Variants in C19orf81 observed in about 807,000 individuals in gnomAD.
C19orf81 encodes the protein chromosome 19 open reading frame 81, also known as putative uncharacterized protein C19orf81.
Under a neutral mutation model 22.1 loss-of-function variants are expected in C19orf81, and 19 were observed. That is an observed-to-expected ratio of 0.86 (90% confidence interval 0.60 to 1.26). C19orf81 has a LOEUF of 1.26. Ranked by LOEUF, C19orf81 falls within the 50% of genes most tolerant of loss-of-function variation. C19orf81 has a pLI of 0.00. For missense variants in C19orf81, 287 were observed against 280.7 expected, an observed-to-expected ratio of 1.02 and a Z score of -0.16; for synonymous variants, 108 against 113.1, an observed-to-expected ratio of 0.95 and a Z score of 0.29.
intron 1 of C19orf81, 58 bp from the exon 2 acceptor site, chr19:50,655,992 A>G (rs915591512): frequency 1.3e-6 from 2 of 1,494,610 alleles, no homozygotes; most frequent in Admixed American, 3.9e-5. Context: ...TGGCCATTTA[A>G]GCAGAATCAT....
Position 50,659,036 on chromosome 19 carries a change from G to A in C19orf81, c.491G>A (p.Arg164His). ...CGCGGGCTTGCGCACCAGATCGTGCGCCACGACGACCTCCTGCTGGGCGAC... is the reference window on the plus strand; with the variant it reads ...CGCGGGCTTGCGCACCAGATCGTGCACCACGACGACCTCCTGCTGGGCGAC... ...SPRGLAHQIV[R>H]HDDLLLGDYR... Residue 164 changes from arginine (R) to histidine (H), a missense_variant, in exon 5 of 5, where the codon CGC (arginine) becomes CAC (histidine). By Grantham distance (29) the Arg-to-His change is conservative. Transcript: ENST00000425202. 1 of 1,529,564 alleles carries A rather than the reference G, an allele frequency of 6.5e-7. No individual in the cohort carries two copies. Among genetic ancestry groups the A allele is most frequent in the Non-Finnish European group, 8.7e-7 (1 of 1,143,494 alleles). 94.7% of individuals were successfully genotyped at this position (1,529,564 alleles called of 1,614,324 possible).
chr19:50,653,682 GCACACACACA>G (rs57915687), intron 1 of C19orf81, among the ~76,000 whole-genome samples: 21,447 of 121,700 alleles, frequency 0.18, 1,995 homozygotes, highest in Non-Finnish European at 0.19. Flanking sequence ...ATGAGAGACA[GCACACACACA>G]CACACACACA....
At chr19:50,653,757 G>T (rs1984931603) in intron 1 of C19orf81, among the ~76,000 whole-genome samples, 1 of 150,252 alleles carries the variant, frequency 6.7e-6, no homozygotes, top group Non-Finnish European at 1.5e-5. Context: ...CTCAGTAGAA[G>T]GGTGTTAGCA....
At position 50,659,082 on chromosome 19, in the gene C19orf81, C is replaced by T. The variant is rs1985079955; in HGVS notation, c.537C>T (p.Arg179=). 4 of 1,509,590 alleles carry T rather than the reference C, an allele frequency of 2.6e-6. No individual in the cohort carries two copies. Among genetic ancestry groups the T allele is most frequent in the Non-Finnish European group, 3.5e-6 (4 of 1,133,206 alleles). The allele number at this position is 1,509,590 out of a possible 1,614,324, so 93.5% of individuals were successfully genotyped here. Residue 179 remains arginine (R), a synonymous_variant, in exon 5 of 5, where the codon CGC becomes CGT. Transcript: ENST00000425202. ...GCGACTACCGCCTGCACCTGCGCCG[C>T]TCCCTGGTCCGGCGGCGCATGCTCG... ...LLGDYRLHLR[R]SLVRRRMLEA...
At chr19:50,653,789 G>T (rs1984932776) in intron 1 of C19orf81, among the ~76,000 whole-genome samples, 1 of 150,826 alleles carries the variant, frequency 6.6e-6, no homozygotes, top group Non-Finnish European at 1.5e-5. Context: ...TTAGAGCCGG[G>T]CTGTGTCAGG....
intron 1 of C19orf81, among the ~76,000 whole-genome samples, chr19:50,652,404 A>T (rs191409438): frequency 6.6e-6 from 1 of 152,318 alleles, no homozygotes; most frequent in Non-Finnish European, 1.5e-5. Context: ...TTAGGGAATC[A>T]TAGAAATAAA....
rs182239034 is a variant in C19orf81 at position 50,654,440 on chromosome 19, C to T, written c.68-1610C>T. Among the ~76,000 whole-genome samples the T allele has an allele frequency of 3.8e-3, 585 of 152,064 alleles. 1 individual carries two copies. Among genetic ancestry groups the T allele is most frequent in the Non-Finnish European group, 6.0e-3 (410 of 67,984 alleles). ...GCCTCAGCCTCCCGAGTAGCTGGGA[C>T]TACAGGCACACACCAACACACCCGG... On this transcript the variant is annotated intron_variant, in intron 1 of 4. Transcript: ENST00000425202.
chr19:50,658,817 G>C, intron 4 of C19orf81, 130 bp from the exon 5 acceptor site: 1 of 807,858 alleles, frequency 1.2e-6, no homozygotes, highest in Non-Finnish European at 1.8e-6. Context: ...GGGGAGTTTA[G>C]GGACGGAGCG....
intron 4 of C19orf81, chr19:50,658,382 T>C (rs1985050264): frequency 9.9e-6 from 2 of 201,150 alleles, no homozygotes; most frequent in East Asian, 2.0e-4. Context: ...GAGTGACAGC[T>C]TGGGGGGGCG....
At chr19:50,655,598 G>A (rs796908073) in intron 1 of C19orf81, among the ~76,000 whole-genome samples, 12 of 151,742 alleles carry the variant, frequency 7.9e-5, no homozygotes, top group African/African-American at 2.7e-4. Flanking sequence ...GCAGTGAGCC[G>A]AGATTGCGCC....
At chr19:50,650,766 C>G (rs117873682) in intron 1 of C19orf81, among the ~76,000 whole-genome samples, 3 of 152,238 alleles carry the variant, frequency 2.0e-5, no homozygotes, top group Admixed American at 1.3e-4. Context: ...CCCACCTCAG[C>G]CTTCGAGGCC....
intron 1 of C19orf81, among the ~76,000 whole-genome samples, chr19:50,654,799 A>G (rs996320679): frequency 2.0e-5 from 3 of 151,330 alleles, no homozygotes; most frequent in African/African-American, 7.3e-5. Context: ...CCAGATAATT[A>G]AAAATTTTTT....
intron 1 of C19orf81, among the ~76,000 whole-genome samples, chr19:50,654,111 T>A (rs1984940785): frequency 1.3e-5 from 2 of 151,978 alleles, no homozygotes; most frequent in Admixed American, 6.6e-5. Flanking sequence ...CGGGAAATGT[T>A]TTATGTTCGG....
At position 50,659,180 on chromosome 19, in the gene C19orf81, C is replaced by T. The variant is rs560443102; in HGVS notation, c.*38C>T. ...CCCCGGCAGCGCTTGCGCACCGCCCCGCGGGCTGGGGCCACCCACCCGGAG... is the reference window on the plus strand; with the variant it reads ...CCCCGGCAGCGCTTGCGCACCGCCCTGCGGGCTGGGGCCACCCACCCGGAG... On this transcript the variant is annotated 3_prime_UTR_variant, in exon 5 of 5. Transcript: ENST00000425202. 1.4e-5 allele frequency: 18 copies of T among 1,277,370 alleles called. No homozygotes were observed. The highest frequency in any genetic ancestry group is 5.1e-5 in the South Asian group (2 of 39,118). 79.1% of individuals were successfully genotyped at this position (1,277,370 alleles called of 1,614,324 possible). A position where few individuals can be genotyped will look rare whatever the true frequency, so the allele number is the denominator to read the frequency against.
chr19:50,652,223 T>C (rs909658773), intron 1 of C19orf81, among the ~76,000 whole-genome samples: 4 of 152,214 alleles, frequency 2.6e-5, no homozygotes, highest in African/African-American at 9.7e-5. Context: ...ATTGTATTTT[T>C]TTATAGTTGG....
At chr19:50,656,013 G>A (rs575701172) in intron 1 of C19orf81, 37 bp from the exon 2 acceptor site, 1,841 of 1,530,356 alleles carry the variant, frequency 1.2e-3, no homozygotes, top group Non-Finnish European at 1.5e-3. Context: ...GGCTGAGGAG[G>A]GCTCAGGGCA....
chr19:50,656,405 C>A (rs1185522731), intron 3 of C19orf81, 59 bp downstream of exon 3: 1 of 1,491,518 alleles, frequency 6.7e-7, no homozygotes, highest in African/African-American at 1.4e-5. Context: ...GGGAAGGGCA[C>A]AGGCTGAGAA....
chr19:50,650,686 C>A (rs1267113477), intron 1 of C19orf81, among the ~76,000 whole-genome samples: 1 of 152,148 alleles, frequency 6.6e-6, no homozygotes, highest in Admixed American at 6.6e-5. Flanking sequence ...ACAAAACAAA[C>A]AAACAAACAA....
At chr19:50,651,556 C>T (rs1984879613) in intron 1 of C19orf81, among the ~76,000 whole-genome samples, 1 of 152,058 alleles carries the variant, frequency 6.6e-6, no homozygotes. Flanking sequence ...CACACAGGGG[C>T]CCTCTGAGAT....
Sources: gnomAD v4.1 joint callset for allele counts (sites outside exome capture counted in the v4.1 genomes callset) on GRCh38, gnomAD v4.1.1 for gene constraint, MANE v1.5 for transcripts, NCBI Gene and HGNC (gene_info 2026-07-23, HGNC 2026-07-21) for gene names.